The following EFCAB6 variants were observed in gnomAD, a reference collection of about 807,000 sequenced individuals.
The protein encoded by EFCAB6 is EF-hand calcium-binding domain-containing protein 6.
In EFCAB6, 156 loss-of-function variants were observed where a neutral mutation model predicts 169.8. That is an observed-to-expected ratio of 0.92 (90% CI 0.81 to 1.05). EFCAB6 has a LOEUF of 1.05. EFCAB6 is among the 50% of genes least tolerant of loss of function. EFCAB6 has a pLI of 0.00. For synonymous variants in EFCAB6, 698 were observed against 676.4 expected (o/e 1.03, Z -0.50); for missense variants, 1,800 against 1,829.1 (o/e 0.98, Z 0.29).
At chr22:43,631,985 G>A in intron 19 of EFCAB6, 120 bp downstream of exon 19, 1 of 1,402,594 alleles carries the variant, frequency 7.1e-7, no homozygotes, top group Non-Finnish European at 9.6e-7. Context: ...AGAGGGAAAT[G>A]CTCTGTGTCC....
intron 2 of EFCAB6, 149 bp from the exon 3 acceptor site, chr22:43,782,474 ATTC>A (rs951817740): frequency 6.0e-6 from 4 of 662,080 alleles, no homozygotes; most frequent in Non-Finnish European, 9.8e-6. Context: ...GTTTCAGACT[ATTC>A]TTAAAGTGAA....
chr22:43,631,973 G>T, intron 19 of EFCAB6, 132 bp downstream of exon 19: 2 of 1,330,252 alleles, frequency 1.5e-6, no homozygotes, highest in Non-Finnish European at 2.0e-6. Context: ...TGCTGGGTCT[G>T]CAGAGGGAAA....
At chr22:43,773,357 A>G (rs2061539637) in intron 3 of EFCAB6, among the ~76,000 whole-genome samples, 1 of 152,254 alleles carries the variant, frequency 6.6e-6, no homozygotes, top group Non-Finnish European at 1.5e-5. Flanking sequence ...TTCCCTGTAA[A>G]GGACATAGGT....
chr22:43,771,984 T>G (rs1569481155), intron 4 of EFCAB6, among the ~76,000 whole-genome samples: 1 of 152,066 alleles, frequency 6.6e-6, no homozygotes, highest in Non-Finnish European at 1.5e-5. Context: ...TATAATGACC[T>G]TTCCTTCCCC....
At chr22:43,763,269 C>T (rs958533556) in intron 5 of EFCAB6, among the ~76,000 whole-genome samples, 2 of 151,986 alleles carry the variant, frequency 1.3e-5, no homozygotes, top group African/African-American at 4.8e-5. Context: ...GAACTCCTGA[C>T]CTCAGGTGAT....
chr22:43,649,988 A>G (rs993508196), intron 17 of EFCAB6, among the ~76,000 whole-genome samples: 4 of 152,194 alleles, frequency 2.6e-5, no homozygotes, highest in African/African-American at 7.2e-5. Context: ...AATAAGAAAC[A>G]TGCCCAACAC....
At chr22:43,600,454 A>G (rs1411299917) in intron 22 of EFCAB6, among the ~76,000 whole-genome samples, 191 bp from the exon 23 acceptor site, 1 of 151,754 alleles carries the variant, frequency 6.6e-6, no homozygotes, top group African/African-American at 2.4e-5. Flanking sequence ...TTCAGGCCTC[A>G]CTCCTGATCC....
intron 22 of EFCAB6, among the ~76,000 whole-genome samples, chr22:43,604,490 T>C (rs2052766112): frequency 6.6e-6 from 1 of 152,208 alleles, no homozygotes; most frequent in African/African-American, 2.4e-5. Context: ...ATTCAGTGCT[T>C]CTAAAAGTCA....
chr22:43,787,568 G>A (rs2062128051), intron 2 of EFCAB6, among the ~76,000 whole-genome samples: 1 of 152,082 alleles, frequency 6.6e-6, no homozygotes, highest in South Asian at 2.1e-4. Flanking sequence ...TACAATATTT[G>A]TGCACTAAAA....
At chr22:43,675,300 TTATA>T (rs1394975650) in intron 13 of EFCAB6, among the ~76,000 whole-genome samples, 2 of 123,984 alleles carry the variant, frequency 1.6e-5, no homozygotes, top group African/African-American at 5.6e-5. Flanking sequence ...TATAGCATAA[TTATA>T]TATTATAGTA....
chr22:43,529,415 G>A (rs989622850), intron 31 of EFCAB6, among the ~76,000 whole-genome samples: 7 of 152,172 alleles, frequency 4.6e-5, no homozygotes, highest in African/African-American at 1.4e-4. Flanking sequence ...ACAGAGCCTG[G>A]AGCAGAGCCT....
intron 17 of EFCAB6, among the ~76,000 whole-genome samples, chr22:43,642,798 G>A (rs532428671): frequency 6.6e-5 from 10 of 152,194 alleles, no homozygotes; most frequent in Non-Finnish European, 1.3e-4. Context: ...ATGGTCATGT[G>A]CACAGGCCGC....
chr22:43,770,769 A>C (rs1436922779), intron 4 of EFCAB6, among the ~76,000 whole-genome samples: 1 of 152,180 alleles, frequency 6.6e-6, no homozygotes, highest in Non-Finnish European at 1.5e-5. Context: ...AAGAGAGGAA[A>C]GAATGGGACA....
intron 24 of EFCAB6, 22 bp from the exon 25 acceptor site, chr22:43,580,681 G>T (rs372155961): frequency 3.7e-6 from 6 of 1,609,424 alleles, no homozygotes; most frequent in Non-Finnish European, 4.2e-6. Flanking sequence ...AGGAAGAAAA[G>T]AACATATTCA....
At chr22:43,667,017 A>G (rs774265723) in intron 17 of EFCAB6, 87 bp downstream of exon 17, 163 of 1,464,268 alleles carry the variant, frequency 1.1e-4, no homozygotes, top group Non-Finnish European at 1.4e-4. Context: ...GCGTCCTGGG[A>G]TAAGCCATTG....
At chr22:43,583,649 G>A (rs377658015) in intron 24 of EFCAB6, among the ~76,000 whole-genome samples, 4 of 152,078 alleles carry the variant, frequency 2.6e-5, no homozygotes, top group East Asian at 3.9e-4. Flanking sequence ...CATGAAAACC[G>A]AGCCCTCATG....
chr22:43,599,940 G>T, intron 23 of EFCAB6, 129 bp downstream of exon 23: 1 of 1,069,766 alleles, frequency 9.3e-7, no homozygotes, highest in Non-Finnish European at 1.3e-6. Flanking sequence ...CGACAACTGT[G>T]AACAAGCACG....
In EFCAB6 at chr22:43,600,196, A is replaced by G; in HGVS notation, c.2749T>C (p.Ser917Pro). The change falls in exon 23 of 32, where the codon TCG (serine) becomes CCG (proline). Residue 917 changes from serine to proline, a missense_variant. By Grantham distance (74) the Ser-to-Pro change is moderately conservative. Coordinates refer to ENST00000262726, the MANE Select transcript of EFCAB6 (RefSeq NM_022785.4). ...GCACAGGGCCGATGGACAGCAGGCG[A>G]ATAGTTAATACCCAATTTCTGTAAA... ...EFLQKLGINYSPAVHRPCAED... is the reference protein window; with the variant it reads ...EFLQKLGINYPPAVHRPCAED... 1 of 1,614,190 alleles carries G rather than the reference A, an allele frequency of 6.2e-7. No individual in the cohort carries two copies. The highest frequency in any genetic ancestry group is 8.5e-7 in the Non-Finnish European group (1 of 1,180,024).
intron 10 of EFCAB6, among the ~76,000 whole-genome samples, chr22:43,709,794 ATG>A (rs1399262427): frequency 1.3e-5 from 2 of 152,200 alleles, no homozygotes; most frequent in African/African-American, 2.4e-5. Context: ...AAATGTCACC[ATG>A]TGTAGACAGA....
Sources: allele counts gnomAD v4.1 joint callset (sites outside exome capture counted in the v4.1 genomes callset), GRCh38; gene constraint gnomAD v4.1.1; transcripts MANE v1.5; gene names NCBI Gene and HGNC (gene_info 2026-07-23, HGNC 2026-07-21).